ZMPSTE24: variants seen among roughly 807,000 people sequenced by gnomAD.
The protein encoded by ZMPSTE24 is CAAX prenyl protease 1 homolog.
ZMPSTE24 carries 48 observed loss-of-function variants against 56.7 expected under a neutral mutation model. The observed-to-expected ratio is 0.85, with a 90% CI of 0.67 to 1.08. The LOEUF (loss-of-function observed/expected upper bound fraction) is 1.08, where lower values mean the gene tolerates loss of function less well. Ranked by LOEUF, ZMPSTE24 falls within the 50% of genes least tolerant of loss-of-function variation. The pLI, the probability that ZMPSTE24 is intolerant of heterozygous loss-of-function variation, is 0.00. For missense variants in ZMPSTE24, 503 were observed against 548.7 expected, an observed-to-expected ratio of 0.92 and a Z score of 0.83; for synonymous variants, 172 against 195.2, an observed-to-expected ratio of 0.88 and a Z score of 0.99.
chr1:40,277,018 G>A (rs1383050540), intron 6 of ZMPSTE24, among the ~76,000 whole-genome samples: 4 of 151,880 alleles, frequency 2.6e-5, no homozygotes, highest in South Asian at 2.1e-4. Flanking sequence ...GTCATTATGC[G>A]GTACATGACT....
chr1:40,286,728 C>CT (rs34496576), intron 8 of ZMPSTE24, among the ~76,000 whole-genome samples: 34,239 of 123,134 alleles, frequency 0.28, 4,716 homozygotes, highest in African/African-American at 0.3. Flanking sequence ...CCCTAAAATG[C>CT]TTTTTTTTTT....
Position 40,293,340 on chromosome 1 carries a change from T to G in ZMPSTE24, c.*671T>G, listed in dbSNP as rs1338711587. The stretch of plus-strand genomic sequence containing the variant: ...CATTGAGTTTTGTGGGGTTTTTTTG[T>G]TTGTTTGTTTCTTTTGTTTTTTGGA... On this transcript the variant is annotated 3_prime_UTR_variant, in exon 10 of 10. Coordinates refer to ENST00000372759, the MANE Select transcript of ZMPSTE24 (RefSeq NM_005857.5). 6.6e-6 allele frequency: 1 copy of G among 152,048 alleles called. No homozygotes were observed. The highest frequency in any genetic ancestry group is 1.5e-5 in the Non-Finnish European group (1 of 68,022). The allele number at this position is 152,048 out of a possible 1,614,324, so 9.4% of individuals were successfully genotyped here.
intron 2 of ZMPSTE24, among the ~76,000 whole-genome samples, chr1:40,263,474 A>G (rs1335150019): frequency 1.3e-5 from 2 of 152,212 alleles, no homozygotes; most frequent in African/African-American, 2.4e-5. Context: ...CTGGGTTTCA[A>G]ACTCTGTTCT....
intron 8 of ZMPSTE24, among the ~76,000 whole-genome samples, chr1:40,287,420 G>A (rs915067562): frequency 1.3e-5 from 2 of 152,008 alleles, no homozygotes; most frequent in African/African-American, 4.8e-5. Context: ...GCTCATGCTT[G>A]TAATCCCGGC....
chr1:40,293,631 GC>G lies in ZMPSTE24; in HGVS notation c.*963del, dbSNP rs1643863587. Reference sequence around the variant, plus strand: ...ATATAGTTTTCTATCTCTTTCAAGGGCAGAAGAGTTTTCATTTTTATTTTTG... The same window carrying G: ...ATATAGTTTTCTATCTCTTTCAAGGGAGAAGAGTTTTCATTTTTATTTTTG... On this transcript the variant is annotated 3_prime_UTR_variant, in exon 10 of 10. Transcript: ENST00000372759. 1 of 152,136 alleles carries G rather than the reference GC, an allele frequency of 6.6e-6. No homozygotes were observed. Among genetic ancestry groups the G allele is most frequent in the Admixed American group, 6.5e-5 (1 of 15,270 alleles). 9.4% of individuals were successfully genotyped at this position (152,136 alleles called of 1,614,324 possible).
chr1:40,287,696 C>G (rs1441914189), intron 8 of ZMPSTE24, among the ~76,000 whole-genome samples: 1 of 148,848 alleles, frequency 6.7e-6, no homozygotes, highest in African/African-American at 2.5e-5. Flanking sequence ...AAAAAGTTGC[C>G]ATATATTCAT....
chr1:40,261,606 A>G (rs192022774), intron 2 of ZMPSTE24, among the ~76,000 whole-genome samples: 20 of 152,270 alleles, frequency 1.3e-4, no homozygotes, highest in African/African-American at 4.6e-4. Context: ...AGAAATAGTT[A>G]AGTCTTGTTC....
Position 40,267,802 on chromosome 1 carries a change from G to A in ZMPSTE24, c.287G>A (p.Gly96Glu). ...ETEGTLILLF[G>E]GIPYLWRLSG... is the part of the protein sequence containing the mutation. ...GTTTTATAGCTTATTCTTCTCTTTG[G>A]AGGAATACCTTATCTCTGGAGACTT... is the stretch of plus-strand genomic sequence containing the variant. Residue 96 changes from glycine (G) to glutamate (E), a missense_variant, in exon 3 of 10, where the codon GGA becomes GAA. Gly to Glu is a moderately conservative substitution (Grantham distance 98). Transcript: ENST00000372759. The A allele has an allele frequency of 1.1e-5, 17 of 1,613,284 alleles. No individual in the cohort carries two copies. Among genetic ancestry groups the A allele is most frequent in the Non-Finnish European group, 1.4e-5 (17 of 1,179,352 alleles).
intron 8 of ZMPSTE24, among the ~76,000 whole-genome samples, chr1:40,286,424 A>T (rs192736060): frequency 1.8e-4 from 28 of 152,212 alleles, no homozygotes; most frequent in Middle Eastern, 3.4e-3. Flanking sequence ...AAATTAAATT[A>T]AAAAAATTTT....
chr1:40,273,083 G>T (rs1311263319), intron 6 of ZMPSTE24, among the ~76,000 whole-genome samples: 1 of 152,130 alleles, frequency 6.6e-6, no homozygotes, highest in Non-Finnish European at 1.5e-5. Context: ...GCTGATCCCT[G>T]CTCTAAAATA....
intron 5 of ZMPSTE24, among the ~76,000 whole-genome samples, chr1:40,270,607 G>A (rs10889220): frequency 0.52 from 79,182 of 151,614 alleles, 22,195 homozygotes; most frequent in African/African-American, 0.73. Context: ...TGCCCCATCT[G>A]CTTCCCCTTC....
At chr1:40,279,342 G>A (rs1174585610) in intron 6 of ZMPSTE24, among the ~76,000 whole-genome samples, 1 of 152,080 alleles carries the variant, frequency 6.6e-6, no homozygotes, top group African/African-American at 2.4e-5. Flanking sequence ...TTGTTAGGTT[G>A]GTGCAAAAGT....
chr1:40,269,094 A>AAAAG (rs1163628422), intron 4 of ZMPSTE24, among the ~76,000 whole-genome samples: 5 of 149,950 alleles, frequency 3.3e-5, no homozygotes, highest in South Asian at 2.1e-4. Context: ...AAAAAAAAAA[A>AAAAG]AAAGAAAGAA....
intron 6 of ZMPSTE24, among the ~76,000 whole-genome samples, chr1:40,278,959 G>C (rs1189607168): frequency 6.6e-6 from 1 of 152,088 alleles, no homozygotes; most frequent in Admixed American, 6.6e-5. Context: ...GACCAGCCTG[G>C]GCAACATAGC....
chr1:40,268,217 TA>T (rs376913007), intron 3 of ZMPSTE24, among the ~76,000 whole-genome samples: 110 of 152,306 alleles, frequency 7.2e-4, no homozygotes, highest in African/African-American at 2.6e-3. Context: ...GCCTGTGTAA[TA>T]AAAAAGGAAT....
At chr1:40,268,181 A>G (rs928823372) in intron 3 of ZMPSTE24, among the ~76,000 whole-genome samples, 1 of 152,226 alleles carries the variant, frequency 6.6e-6, no homozygotes, top group Non-Finnish European at 1.5e-5. Flanking sequence ...ATTTGTCTGT[A>G]TGATTTAAGG....
chr1:40,274,802 A>T (rs1268064300), intron 6 of ZMPSTE24, among the ~76,000 whole-genome samples: 2 of 152,200 alleles, frequency 1.3e-5, no homozygotes, highest in African/African-American at 4.8e-5. Context: ...GGTAGCTTAG[A>T]CTAGGATAAT....
At chr1:40,268,579 T>G (rs1476679215) in intron 4 of ZMPSTE24, 44 bp downstream of exon 4, 1 of 1,292,938 alleles carries the variant, frequency 7.7e-7, no homozygotes, top group African/African-American at 1.5e-5. Flanking sequence ...TGTGAAAAAC[T>G]TCTGTGCTTT....
intron 6 of ZMPSTE24, among the ~76,000 whole-genome samples, chr1:40,279,955 G>A (rs949544609): frequency 6.6e-6 from 1 of 152,086 alleles, no homozygotes; most frequent in Non-Finnish European, 1.5e-5. Flanking sequence ...GTCATCGCCC[G>A]TTGTTCTATA....
Sources: gnomAD v4.1 joint callset for allele counts (sites outside exome capture counted in the v4.1 genomes callset) on GRCh38, gnomAD v4.1.1 for gene constraint, MANE v1.5 for transcripts, NCBI Gene and HGNC (gene_info 2026-07-23, HGNC 2026-07-21) for gene names.